SLC25A46: variants seen among roughly 807,000 people sequenced by gnomAD.
SLC25A46 encodes mitochondrial outer membrane protein SLC25A46.
In SLC25A46, 39 loss-of-function variants were observed where a neutral mutation model predicts 44.6. The ratio of observed to expected loss-of-function variants is 0.87; its 90% CI spans 0.68 to 1.14. SLC25A46 has a LOEUF of 1.14. Ranked by LOEUF, SLC25A46 falls within the 50% of genes most tolerant of loss-of-function variation. The pLI, the probability that SLC25A46 is intolerant of heterozygous loss-of-function variation, is 0.00. For synonymous variants in SLC25A46, 202 were observed against 185.8 expected (o/e 1.09, Z -0.71); for missense variants, 547 against 522.7 (o/e 1.05, Z -0.45).
At chr5:110,738,919 A>G (rs2150403353), upstream of SLC25A46, 1 of 1,382,422 alleles carries the variant, frequency 7.2e-7, no homozygotes, top group Middle Eastern at 2.6e-4. Flanking sequence ...GCGTCTCCCT[A>G]GCAACCGTGC....
intron 1 of SLC25A46, among the ~76,000 whole-genome samples, chr5:110,740,102 C>T (rs755839759): frequency 1.1e-4 from 16 of 152,130 alleles, no homozygotes; most frequent in Non-Finnish European, 1.9e-4. Context: ...CAAGATAGGA[C>T]TTCGGAATCA....
Position 110,739,209 on chromosome 5 carries a change from A to C in SLC25A46, c.90A>C (p.Ala30=). 6.4e-7 allele frequency: 1 copy of C among 1,568,980 alleles called. No homozygotes were observed. The highest frequency in any genetic ancestry group is 8.6e-7 in the Non-Finnish European group (1 of 1,157,406). Reference sequence around the variant, plus strand: ...AGGGCTTTGGCGGCGCCTTCCCTGCAAGGTCCTTCAGCACCGGGTCGGACC... The same window carrying C: ...AGGGCTTTGGCGGCGCCTTCCCTGCCAGGTCCTTCAGCACCGGGTCGGACC... ...DEQGFGGAFP[A]RSFSTGSDLG... is the part of the protein sequence containing the mutation. Residue 30 remains alanine, a synonymous_variant, in exon 1 of 8, where the codon GCA becomes GCC. Coordinates refer to ENST00000355943, the MANE Select transcript of SLC25A46 (RefSeq NM_138773.4).
chr5:110,761,876 A>G lies in SLC25A46; in HGVS notation c.*94A>G. The stretch of plus-strand genomic sequence containing the variant: ...ATACAAGTGAAATACTGGGGAAGAA[A>G]ATGGATTGGAAAGTAAAATTGGTAC... On this transcript the variant is annotated 3_prime_UTR_variant, in exon 8 of 8. Coordinates refer to ENST00000355943, the MANE Select transcript of SLC25A46 (RefSeq NM_138773.4). This position sits in a 1 kb window ranked among gnomAD's most constrained non-coding sequence, Gnocchi z 5.3. 9.4e-7 allele frequency: 1 copy of G among 1,065,558 alleles called. No individual in the cohort carries two copies. Among genetic ancestry groups the G allele is most frequent in the Non-Finnish European group, 1.3e-6 (1 of 758,688 alleles). 66.0% of individuals were successfully genotyped at this position (1,065,558 alleles called of 1,614,324 possible).
Position 110,739,031 on chromosome 5 carries a change from G to C in SLC25A46, c.-89G>C. On this transcript the variant is annotated 5_prime_UTR_variant, in exon 1 of 8. Coordinates refer to ENST00000355943, the MANE Select transcript of SLC25A46 (RefSeq NM_138773.4). ...CAGAATTTACCCCTGACGCGGCGGC[G>C]GCCGACGGGAAGCTGTGTGTGCTTA... 1.3e-6 allele frequency: 2 copies of C among 1,488,096 alleles called. No individual in the cohort carries two copies. The highest frequency in any genetic ancestry group is 1.8e-6 in the Non-Finnish European group (2 of 1,127,998). The allele number at this position is 1,488,096 out of a possible 1,614,324, so 92.2% of individuals were successfully genotyped here.
At chr5:110,752,991 C>T (rs1800006114) in intron 5 of SLC25A46, among the ~76,000 whole-genome samples, 1 of 152,036 alleles carries the variant, frequency 6.6e-6, no homozygotes, top group South Asian at 2.1e-4. Flanking sequence ...GACCAGAAGG[C>T]AGGATAAAAA....
At chr5:110,742,218 G>T in intron 2 of SLC25A46, 129 bp downstream of exon 2, 4 of 576,296 alleles carry the variant, frequency 6.9e-6, no homozygotes, top group South Asian at 6.9e-5. Context: ...CTTAAATTTT[G>T]AATAATATTT....
chr5:110,753,693 A>G lies in SLC25A46; in HGVS notation c.564-1772A>G, dbSNP rs142479377. The G allele has an allele frequency of 6.6e-5, 10 of 152,264 alleles. No homozygotes were observed. The East Asian group carries it at 1.9e-3, about 29-fold the overall frequency. The allele number at this position is 152,264 out of a possible 1,614,324, so 9.4% of individuals were successfully genotyped here. ...GAGAACAGATACAAAGAAGAGTCCC[A>G]AAAGCATTTTTTTAAATACTTGGTT... On this transcript the variant is annotated intron_variant, in intron 5 of 7. Transcript: ENST00000355943.
chr5:110,745,881 GT>G (rs1799804289), intron 3 of SLC25A46: 1 of 155,490 alleles, frequency 6.4e-6, no homozygotes, highest in Non-Finnish European at 1.4e-5. Flanking sequence ...AATAAATATT[GT>G]TTTGACACTC....
intron 5 of SLC25A46, among the ~76,000 whole-genome samples, chr5:110,752,280 C>G (rs376579841): frequency 1.3e-5 from 2 of 152,064 alleles, no homozygotes; most frequent in African/African-American, 4.8e-5. Flanking sequence ...TATATATTAG[C>G]CAGGATCGTC....
intron 5 of SLC25A46, among the ~76,000 whole-genome samples, chr5:110,751,563 T>C (rs1007787348): frequency 6.6e-6 from 1 of 152,144 alleles, no homozygotes; most frequent in African/African-American, 2.4e-5. Context: ...TTTAAGAATA[T>C]TGAAGAGGTT....
At chr5:110,739,529 C>G in intron 1 of SLC25A46, 127 bp downstream of exon 1, 3 of 1,271,974 alleles carry the variant, frequency 2.4e-6, no homozygotes, top group South Asian at 1.6e-5. Flanking sequence ...CGCGCCACAC[C>G]CTTTGCCCTC....
rs1395357497 is a variant in SLC25A46, at chr5:110,764,870, T to C, written c.*3088T>C. ...CATTGCACTAGAATTTGAATGATAC[T>C]GTTGTTGGCATTTCTGTTTCTCTTT... On this transcript the variant is annotated 3_prime_UTR_variant, in exon 8 of 8. Coordinates refer to ENST00000355943, the MANE Select transcript of SLC25A46 (RefSeq NM_138773.4). 6.6e-6 allele frequency: 1 copy of C among 151,986 alleles called. No homozygotes were observed. Among genetic ancestry groups the C allele is most frequent in the Non-Finnish European group, 1.5e-5 (1 of 67,934 alleles). The allele number at this position is 151,986 out of a possible 1,614,324, so 9.4% of individuals were successfully genotyped here.
intron 4 of SLC25A46, 134 bp downstream of exon 4, chr5:110,746,480 A>C (rs1459331227): frequency 1.7e-6 from 1 of 590,008 alleles, no homozygotes; most frequent in African/African-American, 2.0e-5. Flanking sequence ...CTAAAGTAGC[A>C]CAACGATATG....
chr5:110,746,731 A>G (rs983479456), intron 4 of SLC25A46, among the ~76,000 whole-genome samples: 1 of 152,210 alleles, frequency 6.6e-6, no homozygotes, highest in African/African-American at 2.4e-5. Context: ...TGGCTGGGAA[A>G]AACTTTGGGA....
upstream of SLC25A46, chr5:110,738,975 C>T: frequency 1.8e-5 from 26 of 1,454,240 alleles, no homozygotes; most frequent in South Asian, 3.6e-4. Context: ...GCTCCGAAGA[C>T]TTCCGGGTTT....
Position 110,739,302 on chromosome 5 carries a change from C to T in SLC25A46, c.183C>T (p.Ser61=), listed in dbSNP as rs1289674919. 6 of 1,572,076 alleles carry T rather than the reference C, an allele frequency of 3.8e-6. No homozygotes were observed. The highest frequency in any genetic ancestry group is 5.2e-6 in the Non-Finnish European group (6 of 1,159,110). Residue 61 remains serine, a synonymous_variant, in exon 1 of 8, where the codon AGC becomes AGT. Coordinates refer to ENST00000355943, the MANE Select transcript of SLC25A46 (RefSeq NM_138773.4). ...GSRNLHWGEK[S]PPYGVPTTST... ...GCAACCTGCACTGGGGCGAGAAGAG[C>T]CCGCCCTACGGCGTGCCCACCACCT...
Position 110,760,485 on chromosome 5 carries a change from T to A in SLC25A46, c.679-719T>A, listed in dbSNP as rs796878780. On this transcript the variant is annotated intron_variant, in intron 7 of 7. Transcript: ENST00000355943. Reference sequence around the variant, plus strand: ...CTGACTAGAAGCCAAAGTCTACAGATTAGTCTCTAAGGCATGATATAGCCC... The same window carrying A: ...CTGACTAGAAGCCAAAGTCTACAGAATAGTCTCTAAGGCATGATATAGCCC... 1.7e-4 allele frequency among the ~76,000 whole-genome samples: 26 copies of A among 152,238 alleles called. 1 individual carries two copies. In the East Asian group the frequency reaches 2.3e-3, roughly 14 times the overall value.
chr5:110,761,413 T>C lies in SLC25A46; in HGVS notation c.888T>C (p.Asn296=). ...TAATTCTAAAGAGAAAGACTTACAA[T>C]AGCCACCTAGCTGAGAGCACTAGCC... ...VLLILKRKTY[N]SHLAESTSPV... The change falls in exon 8 of 8, where the codon AAT becomes AAC. Residue 296 remains asparagine, a synonymous_variant. Coordinates refer to ENST00000355943, the MANE Select transcript of SLC25A46 (RefSeq NM_138773.4). The surrounding 1 kb of genome is among the most constrained non-coding windows in gnomAD (Gnocchi z 5.3). 2 of 1,613,722 alleles carry C rather than the reference T, an allele frequency of 1.2e-6. No homozygotes were observed. Among genetic ancestry groups the C allele is most frequent in the Non-Finnish European group, 8.5e-7 (1 of 1,179,772 alleles).
chr5:110,755,220 G>T (rs1800076873), intron 5 of SLC25A46: 1 of 296,156 alleles, frequency 3.4e-6, no homozygotes, highest in Non-Finnish European at 6.2e-6. Context: ...ATAATCAGTT[G>T]TGCCTCTTGC....
Sources: allele counts gnomAD v4.1 joint callset (sites outside exome capture counted in the v4.1 genomes callset), GRCh38; gene constraint gnomAD v4.1.1; non-coding constraint Gnocchi (gnomAD v3.1); transcripts MANE v1.5; gene names NCBI Gene and HGNC (gene_info 2026-07-23, HGNC 2026-07-21).